Variants in AGTPBP1 observed in about 807,000 individuals in gnomAD.
AGTPBP1 encodes ATP/GTP binding carboxypeptidase 1.
AGTPBP1 carries 70 observed loss-of-function variants against 143.9 expected under a neutral mutation model. The ratio of observed to expected loss-of-function variants is 0.49; its 90% CI spans 0.40 to 0.59. The LOEUF (loss-of-function observed/expected upper bound fraction) is 0.59, where lower values mean the gene tolerates loss of function less well. AGTPBP1 is among the 20% of genes least tolerant of loss of function. AGTPBP1 has a pLI of 0.00. For synonymous variants in AGTPBP1, 463 were observed against 500.2 expected (o/e 0.93, Z 0.99); for missense variants, 1,229 against 1,464.5 (o/e 0.84, Z 2.62).
At chr9:85,631,717 T>A (rs1190153504) in intron 14 of AGTPBP1, among the ~76,000 whole-genome samples, 1 of 152,174 alleles carries the variant, frequency 6.6e-6, no homozygotes, top group Non-Finnish European at 1.5e-5. Flanking sequence ...GAGAATCAAA[T>A]ACAGCAAGTT....
intron 15 of AGTPBP1, 71 bp downstream of exon 15, chr9:85,621,131 T>C: frequency 1.2e-6 from 1 of 834,244 alleles, no homozygotes; most frequent in Non-Finnish European, 1.7e-6. Flanking sequence ...AATTTTTATC[T>C]TTTAGAAATA....
At chr9:85,756,157 A>G in the AGTPBP1 span, 1 of 1,613,010 alleles carries the variant, frequency 6.2e-7, no homozygotes, top group Non-Finnish European at 8.5e-7. Context: ...AGCTGGAAGC[A>G]GACTTAAAGA....
the AGTPBP1 span, among the ~76,000 whole-genome samples, chr9:85,777,936 G>T: frequency 6.6e-6 from 1 of 152,190 alleles, no homozygotes; most frequent in African/African-American, 2.4e-5. Context: ...GGGCTGTAGT[G>T]CCGCAGCTGT....
intron 25 of AGTPBP1, 49 bp from the exon 26 acceptor site, chr9:85,547,335 TC>T: frequency 6.9e-7 from 1 of 1,439,532 alleles, no homozygotes; most frequent in Non-Finnish European, 9.2e-7. Context: ...GGTCTTAAGG[TC>T]CTAATATAAG....
At position 85,718,521 on chromosome 9, in the gene AGTPBP1, G is replaced by T. The variant is rs538840672; in HGVS notation, c.-33-5955C>A. 3.3e-4 allele frequency among the ~76,000 whole-genome samples: 50 copies of T among 152,034 alleles called. 1 individual carries two copies. In the South Asian group the frequency reaches 5.0e-3, roughly 15 times the overall value. ...GCCCACTTTTTGATGGGGTTGTTTGGTTTTTTCTGGTAAATATGTTTAAGT... is the reference window on the plus strand; with the variant it reads ...GCCCACTTTTTGATGGGGTTGTTTGTTTTTTTCTGGTAAATATGTTTAAGT... On this transcript the variant is annotated intron_variant, in intron 1 of 25. Transcript: ENST00000357081.
chr9:85,658,284 A>C (rs1004516944), intron 9 of AGTPBP1, among the ~76,000 whole-genome samples: 1 of 152,148 alleles, frequency 6.6e-6, no homozygotes, highest in Non-Finnish European at 1.5e-5. Flanking sequence ...CTGGCTTTCT[A>C]GTCATTAGAT....
At chr9:85,670,619 C>T (rs1047539387) in intron 7 of AGTPBP1, among the ~76,000 whole-genome samples, 1 of 152,138 alleles carries the variant, frequency 6.6e-6, no homozygotes, top group African/African-American at 2.4e-5. Flanking sequence ...GTCTTAGCTG[C>T]TTGGGAGGCT....
At chr9:85,793,712 A>G in the AGTPBP1 span, among the ~76,000 whole-genome samples, 1 of 152,200 alleles carries the variant, frequency 6.6e-6, no homozygotes, top group African/African-American at 2.4e-5. Flanking sequence ...AGTATCTCCC[A>G]TAAGAAAGGA....
At chr9:85,760,044 G>A in the AGTPBP1 span, among the ~76,000 whole-genome samples, 115,851 of 151,502 alleles carry the variant, frequency 0.76, 45,090 homozygotes, top group African/African-American at 0.88. Context: ...TCCTGGACAC[G>A]TACACCCTCC....
intron 8 of AGTPBP1, among the ~76,000 whole-genome samples, chr9:85,666,572 GA>G (rs1834147245): frequency 6.6e-6 from 1 of 151,966 alleles, no homozygotes; most frequent in East Asian, 1.9e-4. Context: ...AGTAGAAATA[GA>G]AAAATAATGC....
chr9:85,612,812 G>C (rs1313827637), intron 17 of AGTPBP1, among the ~76,000 whole-genome samples: 1 of 152,030 alleles, frequency 6.6e-6, no homozygotes, highest in East Asian at 1.9e-4. Context: ...GGAATGTGTG[G>C]AGAAAATAAT....
chr9:85,611,524 T>C (rs1811324), intron 17 of AGTPBP1, among the ~76,000 whole-genome samples: 28,335 of 151,882 alleles, frequency 0.19, 3,407 homozygotes, highest in East Asian at 0.51. Flanking sequence ...CCAAGTAACA[T>C]TGTATTAAAA....
At chr9:85,580,031 T>C (rs980075560) in intron 23 of AGTPBP1, among the ~76,000 whole-genome samples, 1 of 151,512 alleles carries the variant, frequency 6.6e-6, no homozygotes, top group Non-Finnish European at 1.5e-5. Context: ...AGGTCAGGAG[T>C]TCGAGACCAG....
At chr9:85,751,294 G>A in the AGTPBP1 span, among the ~76,000 whole-genome samples, 17 of 152,226 alleles carry the variant, frequency 1.1e-4, no homozygotes, top group Non-Finnish European at 1.9e-4. Flanking sequence ...TTGTGGAGAA[G>A]GTATAGTTTT....
At chr9:85,713,633 C>A (rs759506130) in intron 1 of AGTPBP1, among the ~76,000 whole-genome samples, 11 of 152,166 alleles carry the variant, frequency 7.2e-5, no homozygotes, top group South Asian at 2.1e-4. Context: ...ACAAAAAGGG[C>A]AAACTTCAAA....
the AGTPBP1 span, among the ~76,000 whole-genome samples, chr9:85,752,841 A>G: frequency 6.6e-6 from 1 of 152,084 alleles, no homozygotes; most frequent in Non-Finnish European, 1.5e-5. Context: ...GCAAGACCCC[A>G]TCTCTACAAA....
chr9:85,602,466 A>C (rs184306874), intron 17 of AGTPBP1, among the ~76,000 whole-genome samples: 1 of 152,336 alleles, frequency 6.6e-6, no homozygotes, highest in East Asian at 1.9e-4. Flanking sequence ...GAAAAAAAGA[A>C]TAAAAAAGAA....
intron 7 of AGTPBP1, among the ~76,000 whole-genome samples, chr9:85,671,064 C>T (rs1351020723): frequency 6.6e-6 from 1 of 151,990 alleles, no homozygotes; most frequent in Non-Finnish European, 1.5e-5. Flanking sequence ...ACCTTAGCTT[C>T]CTGAGTAGCT....
At chr9:85,596,210 G>T in intron 18 of AGTPBP1, 152 bp downstream of exon 18, 2 of 560,954 alleles carry the variant, frequency 3.6e-6, no homozygotes, top group African/African-American at 1.9e-5. Context: ...TGGATCTCAA[G>T]TTCAAAAGGA....
Sources: gnomAD v4.1 joint callset for allele counts (sites outside exome capture counted in the v4.1 genomes callset) on GRCh38, gnomAD v4.1.1 for gene constraint, MANE v1.5 for transcripts, NCBI Gene and HGNC (gene_info 2026-07-23, HGNC 2026-07-21) for gene names.